The following TMEM220 variants were observed in gnomAD, a reference collection of about 807,000 sequenced individuals.
TMEM220 encodes the protein transmembrane protein 220.
A neutral mutation model predicts 21.7 loss-of-function variants in TMEM220; 21 were observed. The observed-to-expected ratio is 0.97, with a 90% CI of 0.69 to 1.39. The LOEUF (loss-of-function observed/expected upper bound fraction) is 1.39. TMEM220 is among the 40% of genes most tolerant of loss of function. The pLI is 0.00. For missense variants in TMEM220, 191 were observed against 201.9 expected (o/e 0.95, Z 0.33); for synonymous variants, 80 against 73.6 (o/e 1.09, Z -0.45).
At chr17:10,716,934 C>T (rs1021645759) in intron 5 of TMEM220, among the ~76,000 whole-genome samples, 5 of 152,148 alleles carry the variant, frequency 3.3e-5, no homozygotes, top group South Asian at 2.1e-4. Context: ...TTTATTCCTA[C>T]GGAGTGGATT....
At chr17:10,723,378 T>C (rs561190645) in intron 4 of TMEM220, 49 bp from the exon 5 acceptor site, 1 of 1,414,144 alleles carries the variant, frequency 7.1e-7, no homozygotes, top group East Asian at 2.3e-5. Context: ...ACAAGTGAGA[T>C]GCATATCATC....
intron 2 of TMEM220, among the ~76,000 whole-genome samples, chr17:10,727,818 G>T (rs912344611): frequency 6.6e-6 from 1 of 152,110 alleles, no homozygotes; most frequent in Non-Finnish European, 1.5e-5. Context: ...ACAGTCTTGT[G>T]TATCTATATT....
chr17:10,729,955 C>G lies in TMEM220; in HGVS notation c.-104G>C, dbSNP rs1224284376. 70 of 1,232,568 alleles carry G rather than the reference C, an allele frequency of 5.7e-5. No homozygotes were observed. In the Middle Eastern group the frequency reaches 9.6e-4, roughly 17 times the overall value. The allele number at this position is 1,232,568 out of a possible 1,614,324, so 76.4% of individuals were successfully genotyped here. ...CTCCTTGCGCGGAGGGACCGAGACC[C>G]CCGCCTCGGTTTCGGTGCCTTGGGG... On this transcript the variant is annotated 5_prime_UTR_variant, in exon 1 of 6. Coordinates refer to ENST00000341871, the MANE Select transcript of TMEM220 (RefSeq NM_001004313.3).
intron 2 of TMEM220, among the ~76,000 whole-genome samples, chr17:10,728,781 T>A (rs2075083219): frequency 6.6e-6 from 1 of 152,182 alleles, no homozygotes; most frequent in South Asian, 2.1e-4. Flanking sequence ...AGTCCTCAGT[T>A]GGGCCATCTA....
At chr17:10,716,143 TA>T in intron 5 of TMEM220, 1 of 864,914 alleles carries the variant, frequency 1.2e-6, no homozygotes, top group Non-Finnish European at 1.9e-6. Flanking sequence ...CTGGACAGGA[TA>T]ATAAAATACT....
chr17:10,724,905 C>G (rs923067393), intron 4 of TMEM220, 106 bp downstream of exon 4: 1 of 1,485,198 alleles, frequency 6.7e-7, no homozygotes, highest in Admixed American at 1.7e-5. Flanking sequence ...ACAGGGTACA[C>G]TGGGGGAATT....
intron 5 of TMEM220, 141 bp downstream of exon 5, chr17:10,723,129 T>C (rs900722538): frequency 1.3e-5 from 9 of 690,478 alleles, no homozygotes; most frequent in Admixed American, 6.2e-5. Context: ...TACAGGCGCG[T>C]GCCACCACAC....
intron 5 of TMEM220, among the ~76,000 whole-genome samples, chr17:10,717,944 C>A (rs1319637224): frequency 6.6e-6 from 1 of 152,046 alleles, no homozygotes; most frequent in Admixed American, 6.5e-5. Flanking sequence ...CCTCAGCCTC[C>A]CGAGTAGCCA....
intron 2 of TMEM220, among the ~76,000 whole-genome samples, chr17:10,727,886 C>A (rs1331966879): frequency 6.6e-6 from 1 of 152,096 alleles, no homozygotes; most frequent in Admixed American, 6.6e-5. Context: ...TAGAGCCGGG[C>A]GCGGTGACTC....
chr17:10,729,097 C>T, intron 1 of TMEM220, 37 bp from the exon 2 acceptor site: 2 of 1,612,926 alleles, frequency 1.2e-6, no homozygotes, highest in South Asian at 2.2e-5. Context: ...AGCAGACATC[C>T]TGTGCTGTTC....
chr17:10,719,408 C>T (rs1190924422), intron 5 of TMEM220, among the ~76,000 whole-genome samples: 1 of 152,096 alleles, frequency 6.6e-6, no homozygotes, highest in Non-Finnish European at 1.5e-5. Flanking sequence ...GCTGGGACTA[C>T]AGGCACCCGC....
chr17:10,724,163 T>G (rs1273669274), intron 4 of TMEM220, among the ~76,000 whole-genome samples: 1 of 152,162 alleles, frequency 6.6e-6, no homozygotes, highest in Non-Finnish European at 1.5e-5. Flanking sequence ...AAAGGACCTA[T>G]TAATAAGTCC....
At chr17:10,723,457 C>T in intron 4 of TMEM220, 128 bp from the exon 5 acceptor site, 1 of 717,178 alleles carries the variant, frequency 1.4e-6, no homozygotes, top group Middle Eastern at 2.7e-4. Context: ...AGATCTATGG[C>T]ATCGATGGAA....
At chr17:10,716,001 G>T in intron 5 of TMEM220, 1 of 384,972 alleles carries the variant, frequency 2.6e-6, no homozygotes, top group South Asian at 2.2e-5. Flanking sequence ...ATACTGCCCT[G>T]ACACAAAATG....
intron 4 of TMEM220, 138 bp from the exon 5 acceptor site, chr17:10,723,467 A>C: frequency 1.4e-6 from 1 of 689,854 alleles, no homozygotes; most frequent in African/African-American, 1.8e-5. Context: ...CATCGATGGA[A>C]TATTTTCAAA....
chr17:10,726,158 G>A (rs373768034), intron 3 of TMEM220, 46 bp downstream of exon 3: 24 of 1,526,762 alleles, frequency 1.6e-5, no homozygotes, highest in Non-Finnish European at 1.5e-5. Flanking sequence ...ATTATTATGA[G>A]GAAATCTGAT....
intron 5 of TMEM220, among the ~76,000 whole-genome samples, chr17:10,718,500 C>A (rs1430146012): frequency 6.6e-6 from 1 of 151,754 alleles, no homozygotes; most frequent in African/African-American, 2.4e-5. Flanking sequence ...GTTTAACTTG[C>A]TGTTCTTTTC....
In TMEM220 at chr17:10,713,376, C is replaced by T. The variant is rs893437375; in HGVS notation, c.*2077G>A. The T allele has an allele frequency of 6.6e-6, 1 of 151,738 alleles. No homozygotes were observed. The highest frequency in any genetic ancestry group is 2.4e-5 in the African/African-American group (1 of 41,326). The allele number at this position is 151,738 out of a possible 1,614,324, so 9.4% of individuals were successfully genotyped here. ...CAAAAGACTATTCCACCAAAAGTGCCTTTTATATGCTTAACTGAAGATGCG... is the reference window on the plus strand; with the variant it reads ...CAAAAGACTATTCCACCAAAAGTGCTTTTTATATGCTTAACTGAAGATGCG... On this transcript the variant is annotated 3_prime_UTR_variant, in exon 6 of 6. Coordinates refer to ENST00000341871, the MANE Select transcript of TMEM220 (RefSeq NM_001004313.3).
At chr17:10,729,694 T>C (rs1332297676) in intron 1 of TMEM220, 86 bp downstream of exon 1, 2 of 1,189,272 alleles carry the variant, frequency 1.7e-6, no homozygotes, top group Non-Finnish European at 2.2e-6. Context: ...CCTGCGACTC[T>C]GCCCGCTAGT....
Sources: gnomAD v4.1 joint callset for allele counts (sites outside exome capture counted in the v4.1 genomes callset) on GRCh38, gnomAD v4.1.1 for gene constraint, MANE v1.5 for transcripts, NCBI Gene and HGNC (gene_info 2026-07-23, HGNC 2026-07-21) for gene names.